GRHPR: variants seen among roughly 807,000 people sequenced by gnomAD.
GRHPR encodes the protein glyoxylate reductase/hydroxypyruvate reductase.
A neutral mutation model predicts 36.8 loss-of-function variants in GRHPR; 35 were observed. The observed-to-expected ratio is 0.95, with a 90% confidence interval of 0.73 to 1.26. GRHPR has a LOEUF of 1.26. Ranked by LOEUF, GRHPR falls within the 50% of genes most tolerant of loss-of-function variation. GRHPR has a pLI of 0.00. For synonymous variants in GRHPR, 179 were observed against 181.0 expected (o/e 0.99, Z 0.09); for missense variants, 380 against 435.0 (o/e 0.87, Z 1.12).
chr9:37,424,558 C>T (rs568613304), intron 1 of GRHPR, among the ~76,000 whole-genome samples: 3 of 152,386 alleles, frequency 2.0e-5, no homozygotes, highest in South Asian at 2.1e-4. Context: ...CCTGCTTGGC[C>T]GCCCAGCCCC....
chr9:37,431,652 C>A, intron 7 of GRHPR: 1 of 311,342 alleles, frequency 3.2e-6, no homozygotes, highest in East Asian at 8.2e-5. Context: ...AACACAGATG[C>A]CCTTCTGGGC....
intron 8 of GRHPR, among the ~76,000 whole-genome samples, chr9:37,435,386 G>A (rs1371285663): frequency 1.3e-5 from 2 of 152,160 alleles, no homozygotes; most frequent in Non-Finnish European, 2.9e-5. Flanking sequence ...TCAGCTCCGG[G>A]TTTTCTATTT....
At position 37,430,492 on chromosome 9, in the gene GRHPR, G is replaced by A. The variant is rs376231155; in HGVS notation, c.599-19G>A. 1 of 1,611,724 alleles carries A rather than the reference G, an allele frequency of 6.2e-7. No homozygotes were observed. The highest frequency in any genetic ancestry group is 1.7e-5 in the Admixed American group (1 of 60,020). On this transcript the variant is annotated intron_variant, in intron 6 of 8. Coordinates refer to ENST00000318158, the MANE Select transcript of GRHPR (RefSeq NM_012203.2). ...CTAGCCTGGGACTCAGTGCCTGATG[G>A]AGTCCTGCCCTCCCTCAGTGTCTAC... is the stretch of plus-strand genomic sequence containing the variant.
Position 37,422,799 on chromosome 9 carries a change from G to A in GRHPR, c.49G>A (p.Ala17Thr), listed in dbSNP as rs1406054036. 3.1e-6 allele frequency: 5 copies of A among 1,602,560 alleles called. No homozygotes were observed. The South Asian group carries it at 5.6e-5, about 18-fold the overall frequency. Residue 17 changes from alanine to threonine, a missense_variant, in exon 1 of 9, where the codon GCC (alanine) becomes ACC (threonine). By Grantham distance (58) the Ala-to-Thr change is moderately conservative. Coordinates refer to ENST00000318158, the MANE Select transcript of GRHPR (RefSeq NM_012203.2). ...MKVFVTRRIP[A>T]EGRVALARAA... ...GGTGTTCGTCACCCGCAGGATACCC[G>A]CCGAGGGTAGGGTCGCGCTCGCCCG... is the stretch of plus-strand genomic sequence containing the variant.
At chr9:37,430,771 C>G (rs1564301207) in intron 7 of GRHPR, 125 bp downstream of exon 7, 2 of 863,650 alleles carry the variant, frequency 2.3e-6, no homozygotes, top group South Asian at 1.4e-5. Context: ...TTTCCATAAA[C>G]CAAACAACCA....
chr9:37,423,459 C>T (rs773352935), intron 1 of GRHPR, among the ~76,000 whole-genome samples: 2 of 151,706 alleles, frequency 1.3e-5, no homozygotes, highest in Non-Finnish European at 2.9e-5. Context: ...AGGTGTTAGT[C>T]ACCATGACTG....
Position 37,424,910 on chromosome 9 carries a change from CG to C in GRHPR, c.154del (p.Ala52ProfsTer56), listed in dbSNP as rs751101495. 7 of 1,612,198 alleles carry C rather than the reference CG, an allele frequency of 4.3e-6. No homozygotes were observed. The highest frequency in any genetic ancestry group is 5.9e-6 in the Non-Finnish European group (7 of 1,179,688). On this transcript the variant is annotated frameshift_variant, in exon 2 of 9. Coordinates refer to ENST00000318158, the MANE Select transcript of GRHPR (RefSeq NM_012203.2). LOFTEE classifies it high-confidence loss of function. ...IPAKELERGVAGAHGLLCLLS... is the reference protein window; with the variant it reads ...IPAKELERGVXGAHGLLCLLS... ...GCCAAGGAGCTAGAGCGAGGTGTGGCGGGGGCCCACGGCCTGCTCTGCCTCC... is the reference window on the plus strand; with the variant it reads ...GCCAAGGAGCTAGAGCGAGGTGTGGCGGGGCCCACGGCCTGCTCTGCCTCC...
chr9:37,429,295 G>A, intron 5 of GRHPR: 1 of 282,692 alleles, frequency 3.5e-6, no homozygotes, highest in Non-Finnish European at 7.0e-6. Flanking sequence ...AGTTTGGGGT[G>A]AGCTGGCAGT....
chr9:37,426,356 C>T, intron 3 of GRHPR, 182 bp from the exon 4 acceptor site: 1 of 676,068 alleles, frequency 1.5e-6, no homozygotes, highest in Non-Finnish European at 2.7e-6. Flanking sequence ...CATATCCTTC[C>T]AAAGTGGGAG....
At chr9:37,428,331 G>T in intron 4 of GRHPR, 153 bp from the exon 5 acceptor site, 300 of 606,178 alleles carry the variant, frequency 4.9e-4, no homozygotes, top group East Asian at 8.5e-4. Flanking sequence ...CTGCTCATCT[G>T]CAGTGCCGAG....
At position 37,430,621 on chromosome 9, in the gene GRHPR, A is replaced by G; in HGVS notation, c.709A>G (p.Thr237Ala). The change falls in exon 7 of 9, where the codon ACA (threonine) becomes GCA (alanine). Residue 237 changes from threonine (T) to alanine (A), a missense_variant. Transcript: ENST00000318158. ...NKDFFQKMKE[T>A]AVFINISRGD... ...GGACTTCTTCCAGAAGATGAAGGAA[A>G]CAGCTGTGTTCATCAACATCAGCAG... The G allele has an allele frequency of 6.2e-7, 1 of 1,614,004 alleles. No homozygotes were observed. The highest frequency in any genetic ancestry group is 8.5e-7 in the Non-Finnish European group (1 of 1,179,868).
In GRHPR at chr9:37,430,535, A is replaced by C. The variant is rs1588758865; in HGVS notation, c.623A>C (p.Gln208Pro). The change falls in exon 7 of 9, where the codon CAA (glutamine) becomes CCA (proline). Residue 208 changes from glutamine (Q) to proline (P), a missense_variant. By Grantham distance (76) the Gln-to-Pro change is moderately conservative. Coordinates refer to ENST00000318158, the MANE Select transcript of GRHPR (RefSeq NM_012203.2). ...EFVSTPELAA[Q>P]SDFIVVACSL... ...GTGTCTACCCCTGAGCTGGCTGCCCAATCTGATTTCATCGTCGTGGCCTGC... is the reference window on the plus strand; with the variant it reads ...GTGTCTACCCCTGAGCTGGCTGCCCCATCTGATTTCATCGTCGTGGCCTGC... 2 of 1,613,954 alleles carry C rather than the reference A, an allele frequency of 1.2e-6. No homozygotes were observed. Among genetic ancestry groups the C allele is most frequent in the East Asian group, 2.2e-5 (1 of 44,880 alleles).
At chr9:37,428,925 T>G in intron 5 of GRHPR, 1 of 401,422 alleles carries the variant, frequency 2.5e-6, no homozygotes, top group South Asian at 2.1e-5. Flanking sequence ...CGGCTTGCGT[T>G]CTGGAAGGTA....
At chr9:37,437,686 A>AT (rs57294640), downstream of GRHPR, among the ~76,000 whole-genome samples, 10 of 146,918 alleles carry the variant, frequency 6.8e-5, no homozygotes, top group African/African-American at 1.0e-4. Context: ...CCCCAGGTGG[A>AT]TTTTTTTTTT....
intron 4 of GRHPR, among the ~76,000 whole-genome samples, chr9:37,427,498 A>G (rs558650545): frequency 6.6e-6 from 1 of 152,286 alleles, no homozygotes; most frequent in South Asian, 2.1e-4. Flanking sequence ...CAGTTTTAAA[A>G]TCTAGCCTGA....
chr9:37,426,354 T>C, intron 3 of GRHPR, 184 bp from the exon 4 acceptor site: 3 of 673,396 alleles, frequency 4.5e-6, no homozygotes, highest in Non-Finnish European at 8.2e-6. Flanking sequence ...TTCATATCCT[T>C]CCAAAGTGGG....
At chr9:37,438,323 T>C (rs1823763719), downstream of GRHPR, 2 of 152,610 alleles carry the variant, frequency 1.3e-5, no homozygotes, top group Non-Finnish European at 2.9e-5. Context: ...CTACAGATCA[T>C]AGGAACCCTG....
intron 8 of GRHPR, among the ~76,000 whole-genome samples, chr9:37,433,650 C>T (rs1823488983): frequency 6.6e-6 from 1 of 152,186 alleles, no homozygotes; most frequent in Non-Finnish European, 1.5e-5. Flanking sequence ...ACAGAGTGTG[C>T]TCCTCACGGC....
At chr9:37,424,704 AC>A (rs1204949448) in intron 1 of GRHPR, 140 bp from the exon 2 acceptor site, 5 of 928,338 alleles carry the variant, frequency 5.4e-6, no homozygotes, top group Non-Finnish European at 8.1e-6. Flanking sequence ...TTCTGAGACC[AC>A]CCCTGCCTGA....
Sources: gnomAD v4.1 joint callset for allele counts (sites outside exome capture counted in the v4.1 genomes callset) on GRCh38, gnomAD v4.1.1 for gene constraint, MANE v1.5 for transcripts, NCBI Gene and HGNC (gene_info 2026-07-23, HGNC 2026-07-21) for gene names.